Variants in CYTH3 observed in about 807,000 individuals in gnomAD.
CYTH3 encodes the protein cytohesin 3, also known as cytohesin-3.
In CYTH3, 23 loss-of-function variants were observed where a neutral mutation model predicts 55.1. That is an observed-to-expected ratio of 0.42 (90% CI 0.30 to 0.59). The LOEUF (loss-of-function observed/expected upper bound fraction) is 0.59, where lower values mean the gene tolerates loss of function less well. Ranked by LOEUF, CYTH3 falls within the 20% of genes least tolerant of loss-of-function variation. CYTH3 has a pLI of 0.20. For synonymous variants in CYTH3, 249 were observed against 194.9 expected, an observed-to-expected ratio of 1.28 and a Z score of -2.31; for missense variants, 413 against 524.8, an observed-to-expected ratio of 0.79 and a Z score of 2.08.
chr7:6,197,634 G>A (rs529058647), intron 1 of CYTH3, among the ~76,000 whole-genome samples: 4 of 152,238 alleles, frequency 2.6e-5, no homozygotes, highest in African/African-American at 9.6e-5. Flanking sequence ...AGTGAGCCAA[G>A]ATCATGCCAT....
intron 1 of CYTH3, among the ~76,000 whole-genome samples, chr7:6,191,368 C>T (rs971546686): frequency 6.6e-6 from 1 of 152,090 alleles, no homozygotes; most frequent in South Asian, 2.1e-4. Flanking sequence ...TGATTCACAG[C>T]AGAGCTGACA....
chr7:6,175,057 GGTCCTT>G (rs1783308778), intron 5 of CYTH3, among the ~76,000 whole-genome samples: 1 of 152,136 alleles, frequency 6.6e-6, no homozygotes, highest in Non-Finnish European at 1.5e-5. Context: ...TATGATAACT[GGTCCTT>G]ATAATCTGCT....
At position 6,169,213 on chromosome 7, in the gene CYTH3, C is replaced by T. The variant is rs998339901; in HGVS notation, c.823+1322G>A. 1.3e-5 allele frequency among the ~76,000 whole-genome samples: 2 copies of T among 152,180 alleles called. No individual in the cohort carries two copies. Among genetic ancestry groups the T allele is most frequent in the Middle Eastern group, 3.2e-3 (1 of 316 alleles). On this transcript the variant is annotated intron_variant, in intron 9 of 12. Coordinates refer to ENST00000350796, the MANE Select transcript of CYTH3 (RefSeq NM_004227.4). This position sits in a 1 kb window ranked among gnomAD's most constrained non-coding sequence, Gnocchi z 4.1. Reference sequence around the variant, plus strand: ...GGCCTGTGCCCGTCACACCGTGTCTCACCCTTCCTTGATGTTTATTTTTTT... The same window carrying T: ...GGCCTGTGCCCGTCACACCGTGTCTTACCCTTCCTTGATGTTTATTTTTTT...
intron 9 of CYTH3, among the ~76,000 whole-genome samples, chr7:6,168,624 C>T (rs909513561): frequency 1.3e-5 from 2 of 152,236 alleles, no homozygotes; most frequent in South Asian, 4.1e-4. Flanking sequence ...TGGACCAGCC[C>T]CTCCAGGGCC....
chr7:6,255,758 G>GTTTT lies in CYTH3; in HGVS notation c.34+16712_34+16715dup, dbSNP rs397889923. Among the ~76,000 whole-genome samples, 180 of 89,406 alleles carry GTTTT rather than the reference G, an allele frequency of 2.0e-3. 2 individuals are homozygous for GTTTT. Among genetic ancestry groups the GTTTT allele is most frequent in the East Asian group, 0.015 (50 of 3,324 alleles). The allele number at this position is 89,406 out of a possible 152,430, so 58.7% of individuals were successfully genotyped here. ...ACTACCCAAGTTTGACCTTTAATCT[G>GTTTT]TTTTTTTTTTTTTTTTTTTTTTTGA... is the stretch of plus-strand genomic sequence containing the variant. On this transcript the variant is annotated intron_variant, in intron 1 of 12. Coordinates refer to ENST00000350796, the MANE Select transcript of CYTH3 (RefSeq NM_004227.4).
At chr7:6,256,093 T>C (rs1443235967) in intron 1 of CYTH3, among the ~76,000 whole-genome samples, 1 of 152,188 alleles carries the variant, frequency 6.6e-6, no homozygotes, top group Non-Finnish European at 1.5e-5. Flanking sequence ...AAAGTTGAAA[T>C]GGCCCTGTCA....
rs769587561 is a variant in CYTH3 at position 6,201,276 on chromosome 7, G to A, written c.35-10745C>T. Among the ~76,000 whole-genome samples the A allele has an allele frequency of 6.6e-5, 10 of 152,342 alleles. 1 individual carries two copies. The South Asian group carries it at 1.2e-3, about 19-fold the overall frequency. On this transcript the variant is annotated intron_variant, in intron 1 of 12. Coordinates refer to ENST00000350796, the MANE Select transcript of CYTH3 (RefSeq NM_004227.4). ...TGTTAGCAACAACGGAAAGGGCCAG[G>A]TGAGTGGCATGCCGCAGCTAGCCAG...
At position 6,167,812 on chromosome 7, in the gene CYTH3, C is replaced by T. The variant is rs145586849; in HGVS notation, c.824-2002G>A. ...CCCAGCATGGTGGACAGCAAAGGAC[C>T]TGTATGTTCCACTAGCCCACACACC... is the stretch of plus-strand genomic sequence containing the variant. On this transcript the variant is annotated intron_variant, in intron 9 of 12. Coordinates refer to ENST00000350796, the MANE Select transcript of CYTH3 (RefSeq NM_004227.4). The surrounding 1 kb of genome is among the most constrained non-coding windows in gnomAD (Gnocchi z 5.5). Among the ~76,000 whole-genome samples the T allele has an allele frequency of 6.6e-6, 1 of 152,380 alleles. No individual in the cohort carries two copies. The highest frequency in any genetic ancestry group is 1.5e-5 in the Non-Finnish European group (1 of 68,036).
At chr7:6,216,539 G>C (rs1024238328) in intron 1 of CYTH3, among the ~76,000 whole-genome samples, 4 of 151,840 alleles carry the variant, frequency 2.6e-5, no homozygotes, top group Non-Finnish European at 5.9e-5. Context: ...AGGAGTTTGA[G>C]ACCAGCCTTG....
chr7:6,182,275 T>C (rs915547609), intron 4 of CYTH3, among the ~76,000 whole-genome samples: 1 of 152,152 alleles, frequency 6.6e-6, no homozygotes, highest in Non-Finnish European at 1.5e-5. Context: ...CTCTTGAACT[T>C]CTAACCTCAG....
intron 1 of CYTH3, among the ~76,000 whole-genome samples, chr7:6,200,864 T>C (rs1178911901): frequency 2.6e-5 from 4 of 152,190 alleles, no homozygotes; most frequent in Non-Finnish European, 4.4e-5. Context: ...CAGGTGATCC[T>C]CCCGCCTCAG....
intron 5 of CYTH3, among the ~76,000 whole-genome samples, chr7:6,177,192 ATTCCACT>A (rs554604132): frequency 6.0e-4 from 92 of 152,358 alleles, no homozygotes; most frequent in African/African-American, 1.9e-3. Context: ...GTCGGGAAGT[ATTCCACT>A]TTCCACTTTC....
At chr7:6,240,529 T>C (rs979493586) in intron 1 of CYTH3, among the ~76,000 whole-genome samples, 5 of 151,996 alleles carry the variant, frequency 3.3e-5, no homozygotes, top group South Asian at 2.1e-4. Flanking sequence ...TGGAACAGAA[T>C]AGTAAATCCA....
intron 1 of CYTH3, among the ~76,000 whole-genome samples, chr7:6,191,380 T>G (rs1783800099): frequency 6.6e-6 from 1 of 152,110 alleles, no homozygotes; most frequent in Non-Finnish European, 1.5e-5. Flanking sequence ...GAGCTGACAC[T>G]CAGCTCAAAA....
chr7:6,170,222 G>A lies in CYTH3; in HGVS notation c.823+313C>T, dbSNP rs2128537162. On this transcript the variant is annotated intron_variant, in intron 9 of 12. Transcript: ENST00000350796. The surrounding 1 kb of genome is among the most constrained non-coding windows in gnomAD (Gnocchi z 7.8). ...AAACCGAGAGAGGCACACAGGCTCTGTGGAGATAATGCGCTTGCTTCTCGT... is the reference window on the plus strand; with the variant it reads ...AAACCGAGAGAGGCACACAGGCTCTATGGAGATAATGCGCTTGCTTCTCGT... 1 of 372,178 alleles carries A rather than the reference G, an allele frequency of 2.7e-6. No individual in the cohort carries two copies. The highest frequency in any genetic ancestry group is 5.1e-5 in the East Asian group (1 of 19,714). 23.1% of individuals were successfully genotyped at this position (372,178 alleles called of 1,614,324 possible).
At chr7:6,210,493 T>C (rs2128549077) in intron 1 of CYTH3, among the ~76,000 whole-genome samples, 1 of 152,352 alleles carries the variant, frequency 6.6e-6, no homozygotes, top group South Asian at 2.1e-4. Context: ...AAATTTAAGA[T>C]TAGATTTATC....
chr7:6,258,694 G>C (rs911175392), intron 1 of CYTH3, among the ~76,000 whole-genome samples: 2 of 152,124 alleles, frequency 1.3e-5, no homozygotes, highest in African/African-American at 4.8e-5. Context: ...TAAACTGGTT[G>C]TTCAATCCTT....
At chr7:6,272,111 G>A (rs1780677450) in intron 1 of CYTH3, among the ~76,000 whole-genome samples, 1 of 152,198 alleles carries the variant, frequency 6.6e-6, no homozygotes, top group South Asian at 2.1e-4. Flanking sequence ...GCTCCGGAGG[G>A]CATGAACGCC....
chr7:6,216,299 T>G, intron 1 of CYTH3, among the ~76,000 whole-genome samples: 1 of 152,100 alleles, frequency 6.6e-6, no homozygotes, highest in Non-Finnish European at 1.5e-5. Context: ...GGGTTCTACA[T>G]TTCATTTGAA....
Sources: allele counts gnomAD v4.1 joint callset (sites outside exome capture counted in the v4.1 genomes callset), GRCh38; gene constraint gnomAD v4.1.1; non-coding constraint Gnocchi (gnomAD v3.1); transcripts MANE v1.5; gene names NCBI Gene and HGNC (gene_info 2026-07-23, HGNC 2026-07-21).